Variants in FAAH2 observed in about 807,000 individuals in gnomAD.
The protein encoded by FAAH2 is fatty acid amide hydrolase 2.
In FAAH2, 60 loss-of-function variants were observed where a neutral mutation model predicts 36.9. The observed-to-expected ratio is 1.63, with a 90% CI of 1.32 to 2.02. The LOEUF (loss-of-function observed/expected upper bound fraction) is 2.02. FAAH2 is among the 30% of genes most tolerant of loss of function. The probability of loss-of-function intolerance (pLI) is 0.00; values close to 1 mark genes in which losing one functional copy is unlikely to be tolerated. For missense variants in FAAH2, 689 were observed against 397.5 expected (o/e 1.73, Z -6.23); for synonymous variants, 214 against 143.8 (o/e 1.49, Z -3.49).
chrX:57,300,382 T>G (rs1413180880), intron 2 of FAAH2, among the ~76,000 whole-genome samples: 2 of 111,858 alleles, frequency 1.8e-5, no homozygotes, highest in African/African-American at 6.5e-5. Flanking sequence ...AATAAATGGT[T>G]CTGTGAAAAC....
chrX:57,459,602 C>A (rs191369117), intron 10 of FAAH2, among the ~76,000 whole-genome samples: 39 of 112,120 alleles, frequency 3.5e-4, no homozygotes, highest in Non-Finnish European at 6.2e-4. Flanking sequence ...AGAGCTCTGG[C>A]TGGCATAAAG....
intron 3 of FAAH2, among the ~76,000 whole-genome samples, chrX:57,315,180 A>G (rs780698597): frequency 1.3e-4 from 14 of 111,371 alleles, no homozygotes; most frequent in Non-Finnish European, 2.3e-4. Context: ...ATTCCTGGAA[A>G]CACACCTTCT....
intron 7 of FAAH2, among the ~76,000 whole-genome samples, chrX:57,414,072 CT>C (rs1212172443): frequency 1.8e-5 from 2 of 112,189 alleles, no homozygotes; most frequent in African/African-American, 6.5e-5. Flanking sequence ...TATCCTGAGA[CT>C]TTGCTGAAGT....
At chrX:57,415,335 C>A (rs764221098) in intron 7 of FAAH2, among the ~76,000 whole-genome samples, 4 of 111,679 alleles carry the variant, frequency 3.6e-5, no homozygotes, top group Non-Finnish European at 5.6e-5. Context: ...GATTTTAGAT[C>A]TTTCCTGCTT....
In FAAH2 at chrX:57,370,497, G is replaced by A. The variant is rs192224766; in HGVS notation, c.743-8154G>A. ...ATAAGGCAAATATTAGATATAAATG[G>A]AGAGGTAGCCTGCCATATAATAACA... On this transcript the variant is annotated intron_variant, in intron 5 of 10. Coordinates refer to ENST00000374900, the MANE Select transcript of FAAH2 (RefSeq NM_174912.4). 9.8e-5 allele frequency among the ~76,000 whole-genome samples: 11 copies of A among 111,691 alleles called. No homozygotes were observed. The East Asian group carries it at 2.8e-3, about 29-fold the overall frequency.
intron 2 of FAAH2, among the ~76,000 whole-genome samples, chrX:57,294,787 C>T (rs1275487685): frequency 9.0e-6 from 1 of 111,590 alleles, no homozygotes; most frequent in Non-Finnish European, 1.9e-5. Context: ...CTAATCATCT[C>T]AGTCTCTGTG....
chrX:57,200,062 T>G, the FAAH2 span, among the ~76,000 whole-genome samples: 1 of 111,601 alleles, frequency 9.0e-6, no homozygotes, highest in African/African-American at 3.3e-5. Flanking sequence ...AGCTTTAGAT[T>G]AGATAATTTA....
chrX:57,478,566 C>T (rs1430801803), intron 10 of FAAH2, among the ~76,000 whole-genome samples: 1 of 111,697 alleles, frequency 9.0e-6, no homozygotes. Context: ...CTTGCACATG[C>T]CTATGTCCTG....
intron 5 of FAAH2, among the ~76,000 whole-genome samples, chrX:57,342,117 C>T (rs1262481958): frequency 1.8e-5 from 2 of 111,672 alleles, no homozygotes; most frequent in Non-Finnish European, 3.8e-5. Flanking sequence ...AATAAATCCT[C>T]ATTTGATCAT....
At chrX:57,308,124 G>T (rs1017699003) in intron 2 of FAAH2, among the ~76,000 whole-genome samples, 9 of 110,753 alleles carry the variant, frequency 8.1e-5, no homozygotes, top group African/African-American at 3.0e-4. Context: ...GTGTCTTTTT[G>T]GTAAAACTAT....
chrX:57,389,779 T>A (rs1461890669), intron 7 of FAAH2, among the ~76,000 whole-genome samples: 1 of 111,038 alleles, frequency 9.0e-6, no homozygotes, highest in African/African-American at 3.3e-5. Flanking sequence ...ATTTTTAATG[T>A]TTTGAATGGC....
chrX:57,257,408 C>T, the FAAH2 span, among the ~76,000 whole-genome samples: 1 of 111,226 alleles, frequency 9.0e-6, no homozygotes, highest in Admixed American at 9.6e-5. Flanking sequence ...ATGGATGAAG[C>T]TGGAAACCAT....
intron 10 of FAAH2, among the ~76,000 whole-genome samples, chrX:57,461,940 G>A (rs1196257007): frequency 9.1e-6 from 1 of 110,062 alleles, no homozygotes; most frequent in African/African-American, 3.3e-5. Context: ...GAATCAAATA[G>A]ACACAATAAA....
At chrX:57,214,192 A>T in the FAAH2 span, among the ~76,000 whole-genome samples, 1 of 111,765 alleles carries the variant, frequency 8.9e-6, no homozygotes, top group South Asian at 3.7e-4. Context: ...CTGTTTCTTT[A>T]GCAGTAGGTT....
At chrX:57,456,410 C>T (rs183111430) in intron 10 of FAAH2, among the ~76,000 whole-genome samples, 2 of 110,953 alleles carry the variant, frequency 1.8e-5, no homozygotes, top group East Asian at 2.8e-4. Context: ...CATCCAACTC[C>T]GAATAAAGTA....
chrX:57,489,068 T>A lies in FAAH2; in HGVS notation c.*136T>A, dbSNP rs375200987. The A allele has an allele frequency of 9.3e-5, 61 of 656,644 alleles. No homozygotes were observed. In the East Asian group the frequency reaches 2.1e-3, roughly 23 times the overall value. 54.1% of individuals were successfully genotyped at this position (656,644 alleles called of 1,213,427 possible). ...ATTTATTGACTCATTTAGTTATTCT[T>A]TCTACTTTTATTTCCTTCTCTAACT... On this transcript the variant is annotated 3_prime_UTR_variant, in exon 11 of 11. Coordinates refer to ENST00000374900, the MANE Select transcript of FAAH2 (RefSeq NM_174912.4).
chrX:57,428,514 C>A lies in FAAH2; in HGVS notation c.997-3404C>A, dbSNP rs927126933. Among the ~76,000 whole-genome samples the A allele has an allele frequency of 3.6e-5, 4 of 111,804 alleles. No individual in the cohort carries two copies. The South Asian group carries it at 1.5e-3, about 41-fold the overall frequency. The stretch of plus-strand genomic sequence containing the variant: ...TTATATTACAAAGCCATAGAAACTA[C>A]AACAGCATGGTATTGGTATAAAAAT... On this transcript the variant is annotated intron_variant, in intron 7 of 10. Coordinates refer to ENST00000374900, the MANE Select transcript of FAAH2 (RefSeq NM_174912.4).
At chrX:57,323,193 A>T (rs1378593969) in intron 3 of FAAH2, among the ~76,000 whole-genome samples, 1 of 111,427 alleles carries the variant, frequency 9.0e-6, no homozygotes, top group Non-Finnish European at 1.9e-5. Context: ...ATACTATTCC[A>T]TGGTGTATAT....
intron 8 of FAAH2, among the ~76,000 whole-genome samples, chrX:57,442,796 G>C (rs1025144258): frequency 9.0e-6 from 1 of 111,517 alleles, no homozygotes; most frequent in African/African-American, 3.3e-5. Flanking sequence ...CTCTTGTAAG[G>C]CAGGCCTGGT....
Sources: allele counts gnomAD v4.1 joint callset (sites outside exome capture counted in the v4.1 genomes callset), GRCh38; gene constraint gnomAD v4.1.1; transcripts MANE v1.5; gene names NCBI Gene and HGNC (gene_info 2026-07-23, HGNC 2026-07-21).